Variants in TPO observed in about 807,000 individuals in gnomAD.
The protein encoded by TPO is thyroid peroxidase.
A neutral mutation model predicts 96.9 loss-of-function variants in TPO; 78 were observed. The observed-to-expected ratio is 0.81, with a 90% CI of 0.67 to 0.97. The LOEUF is 0.97. TPO is among the 50% of genes least tolerant of loss of function. TPO has a pLI of 0.00. For synonymous variants in TPO, 547 were observed against 538.0 expected (o/e 1.02, Z -0.23); for missense variants, 1,252 against 1,274.8 (o/e 0.98, Z 0.27).
rs1454358699 is a variant in TPO, at chr2:1,506,117, A to G, written c.2518+2038A>G. ...TGTTCTCATTGTTCAATTCTCACCTATGAGTGAGAACATGCGGTGTTTGGT... is the reference window on the plus strand; with the variant it reads ...TGTTCTCATTGTTCAATTCTCACCTGTGAGTGAGAACATGCGGTGTTTGGT... On this transcript the variant is annotated intron_variant, in intron 14 of 16. Coordinates refer to ENST00000329066, the MANE Select transcript of TPO (RefSeq NM_001206744.2). Among the ~76,000 whole-genome samples the G allele has an allele frequency of 4.5e-4, 68 of 151,202 alleles. 1 individual carries two copies. Among genetic ancestry groups the G allele is most frequent in the Non-Finnish European group, 5.9e-5 (4 of 67,884 alleles).
chr2:1,505,834 G>A (rs1345672994), intron 14 of TPO, among the ~76,000 whole-genome samples: 2 of 131,704 alleles, frequency 1.5e-5, no homozygotes, highest in Non-Finnish European at 1.6e-5. Context: ...AATTCTTGTG[G>A]CTTTCTTTTT....
chr2:1,484,116 A>G (rs114455779), intron 8 of TPO, among the ~76,000 whole-genome samples: 2,661 of 152,320 alleles, frequency 0.017, 77 homozygotes, highest in African/African-American at 0.06. Context: ...GGGACCATGT[A>G]TCAAATCGTA....
intron 1 of TPO, among the ~76,000 whole-genome samples, chr2:1,382,350 G>A (rs1247496626): frequency 6.6e-6 from 1 of 152,160 alleles, no homozygotes; most frequent in Non-Finnish European, 1.5e-5. Flanking sequence ...CCTCCTTGAA[G>A]GGTCAGCATC....
At chr2:1,432,307 T>C (rs183944272) in intron 3 of TPO, among the ~76,000 whole-genome samples, 80 of 152,372 alleles carry the variant, frequency 5.3e-4, no homozygotes, top group African/African-American at 1.8e-3. Flanking sequence ...CACCCAGGTG[T>C]TGGCAGCATT....
chr2:1,376,181 C>T (rs1357592248), intron 1 of TPO, among the ~76,000 whole-genome samples: 1 of 152,152 alleles, frequency 6.6e-6, no homozygotes, highest in Non-Finnish European at 1.5e-5. Context: ...GTATAAAACC[C>T]GCCATCACTG....
At chr2:1,525,071 C>T (rs1179764486) in intron 15 of TPO, among the ~76,000 whole-genome samples, 4 of 113,122 alleles carry the variant, frequency 3.5e-5, no homozygotes, top group Non-Finnish European at 1.8e-5. Context: ...CTGTGTGCAA[C>T]CCCCCCAAAT....
At chr2:1,535,211 T>C (rs1573637894) in intron 15 of TPO, among the ~76,000 whole-genome samples, 7 of 80,002 alleles carry the variant, frequency 8.7e-5, no homozygotes, top group South Asian at 4.5e-4. Context: ...CTCATCAATT[T>C]CCCCCCATTC....
intron 13 of TPO, among the ~76,000 whole-genome samples, chr2:1,503,109 T>A (rs1673038732): frequency 6.6e-6 from 1 of 152,196 alleles, no homozygotes; most frequent in African/African-American, 2.4e-5. Context: ...GCGGTGAGAC[T>A]GGGGAGGGTC....
At chr2:1,470,230 A>G (rs555085261) in intron 7 of TPO, among the ~76,000 whole-genome samples, 1 of 151,894 alleles carries the variant, frequency 6.6e-6, no homozygotes, top group African/African-American at 2.4e-5. Context: ...GCTGAGGCAC[A>G]AAATACATTT....
chr2:1,437,619 C>T (rs1345097580), intron 5 of TPO, among the ~76,000 whole-genome samples: 1 of 152,232 alleles, frequency 6.6e-6, no homozygotes, highest in Non-Finnish European at 1.5e-5. Context: ...GATTTGAAAC[C>T]TGGAATCACC....
chr2:1,521,175 T>G (rs549786474), intron 15 of TPO, among the ~76,000 whole-genome samples: 5 of 152,326 alleles, frequency 3.3e-5, no homozygotes, highest in African/African-American at 1.2e-4. Context: ...ATCATTTGCA[T>G]TAATTTCCAG....
chr2:1,535,684 C>G (rs1244849965), intron 15 of TPO, among the ~76,000 whole-genome samples: 1 of 97,298 alleles, frequency 1.0e-5, no homozygotes, highest in African/African-American at 3.6e-5. Context: ...TGCAACCTCC[C>G]CACATGCCCC....
chr2:1,484,537 C>G, intron 8 of TPO, 59 bp from the exon 9 acceptor site: 15 of 1,611,244 alleles, frequency 9.3e-6, no homozygotes, highest in Non-Finnish European at 1.3e-5. Flanking sequence ...CACTGCCGCT[C>G]GAGGCGACCC....
intron 15 of TPO, among the ~76,000 whole-genome samples, chr2:1,538,287 G>A (rs1680312655): frequency 6.6e-6 from 1 of 152,106 alleles, no homozygotes; most frequent in African/African-American, 2.4e-5. Flanking sequence ...GTGGTGCTCC[G>A]ACCTGATACA....
chr2:1,486,558 A>G (rs1312573526), intron 9 of TPO, among the ~76,000 whole-genome samples: 1 of 152,114 alleles, frequency 6.6e-6, no homozygotes, highest in Non-Finnish European at 1.5e-5. Flanking sequence ...AAATAAAATA[A>G]AAATAAAAGG....
chr2:1,480,753 G>A (rs373780157), intron 8 of TPO, among the ~76,000 whole-genome samples: 1 of 151,756 alleles, frequency 6.6e-6, no homozygotes, highest in Non-Finnish European at 1.5e-5. Flanking sequence ...TGCTGCATCC[G>A]TCCACACCAC....
At chr2:1,498,910 G>T (rs369795600) in intron 13 of TPO, among the ~76,000 whole-genome samples, 2 of 152,096 alleles carry the variant, frequency 1.3e-5, no homozygotes, top group African/African-American at 4.8e-5. Flanking sequence ...CTGGTTTTCC[G>T]TGTTGGCATT....
At chr2:1,529,847 G>C (rs1573590266) in intron 15 of TPO, among the ~76,000 whole-genome samples, 1 of 103,642 alleles carries the variant, frequency 9.6e-6, no homozygotes, top group African/African-American at 4.2e-5. Context: ...CCGACGCTGT[G>C]CAACCTCCCA....
At chr2:1,536,550 T>C (rs1243417008) in intron 15 of TPO, among the ~76,000 whole-genome samples, 1 of 30,118 alleles carries the variant, frequency 3.3e-5, no homozygotes, top group Non-Finnish European at 5.7e-5. Context: ...AGTAGCCTCC[T>C]CAAATCCCCC....
Sources: gnomAD v4.1 joint callset for allele counts (sites outside exome capture counted in the v4.1 genomes callset) on GRCh38, gnomAD v4.1.1 for gene constraint, MANE v1.5 for transcripts, NCBI Gene and HGNC (gene_info 2026-07-23, HGNC 2026-07-21) for gene names.